Variants in RTN1 observed in about 807,000 individuals in gnomAD.
RTN1 encodes the protein reticulon-1.
RTN1 carries 25 observed loss-of-function variants against 65.5 expected under a neutral mutation model. The observed-to-expected ratio is 0.38, with a 90% CI of 0.28 to 0.53. RTN1 has a LOEUF of 0.53. Among genes scored for constraint, RTN1 ranks in the 20% least tolerant of loss-of-function variants. The pLI is 0.79. For missense variants in RTN1, 983 were observed against 1,025.4 expected (o/e 0.96, Z 0.57); for synonymous variants, 471 against 447.6 (o/e 1.05, Z -0.66).
At chr14:59,686,272 G>T (rs1338525639) in intron 3 of RTN1, among the ~76,000 whole-genome samples, 1 of 151,924 alleles carries the variant, frequency 6.6e-6, no homozygotes, top group Non-Finnish European at 1.5e-5. Context: ...TTATTTTTTT[G>T]GATATGACCT....
Position 59,853,032 on chromosome 14 carries a change from T to C in RTN1, c.241+17358A>G, listed in dbSNP as rs550971359. Among the ~76,000 whole-genome samples, 7 of 152,332 alleles carry C rather than the reference T, an allele frequency of 4.6e-5. No individual in the cohort carries two copies. The East Asian group carries it at 5.8e-4, about 13-fold the overall frequency. ...GAGATTTTATTGAACCATGAAACTA[T>C]TGCCCCTGTGTAAACAGTGATCTCT... On this transcript the variant is annotated intron_variant, in intron 1 of 8. Transcript: ENST00000267484.
At chr14:59,698,157 C>T (rs1884102831) in intron 3 of RTN1, among the ~76,000 whole-genome samples, 1 of 152,032 alleles carries the variant, frequency 6.6e-6, no homozygotes, top group South Asian at 2.1e-4. Context: ...GATGGAAAGT[C>T]AGTTTGGAAG....
rs78785855 is a variant in RTN1, at chr14:59,760,723, A to G, written c.242-14242T>C. On this transcript the variant is annotated intron_variant, in intron 1 of 8. Coordinates refer to ENST00000267484, the MANE Select transcript of RTN1 (RefSeq NM_021136.3). ...TGTTTTCCCTGCACTGTGAGCTCATAGGAAACATGGACTGCACAACGTGCT... is the reference window on the plus strand; with the variant it reads ...TGTTTTCCCTGCACTGTGAGCTCATGGGAAACATGGACTGCACAACGTGCT... 3.1e-3 allele frequency among the ~76,000 whole-genome samples: 473 copies of G among 152,332 alleles called. 14 individuals carry two copies. In the East Asian group the frequency reaches 0.05, roughly 16 times the overall value.
intron 1 of RTN1, among the ~76,000 whole-genome samples, chr14:59,863,133 G>A (rs1253027287): frequency 6.6e-6 from 1 of 151,652 alleles, no homozygotes; most frequent in Non-Finnish European, 1.5e-5. Flanking sequence ...CCCACCTCCC[G>A]CAACACCAAT....
At chr14:59,629,074 GC>G (rs1217468633) in intron 3 of RTN1, among the ~76,000 whole-genome samples, 3 of 152,154 alleles carry the variant, frequency 2.0e-5, no homozygotes, top group Non-Finnish European at 4.4e-5. Context: ...TTTCACAGCT[GC>G]CTTCTATATT....
chr14:59,798,906 A>T (rs948170469), intron 1 of RTN1, among the ~76,000 whole-genome samples: 3 of 152,164 alleles, frequency 2.0e-5, no homozygotes, highest in Non-Finnish European at 2.9e-5. Flanking sequence ...TTAAAAAGTG[A>T]CTCAAACTAT....
At chr14:59,865,904 T>C (rs867543945) in intron 1 of RTN1, among the ~76,000 whole-genome samples, 5 of 152,130 alleles carry the variant, frequency 3.3e-5, no homozygotes, top group East Asian at 3.9e-4. Flanking sequence ...GAGAATGAGA[T>C]AGATGATAGA....
chr14:59,762,996 C>G (rs1257711677), intron 1 of RTN1, among the ~76,000 whole-genome samples: 1 of 152,148 alleles, frequency 6.6e-6, no homozygotes, highest in Non-Finnish European at 1.5e-5. Context: ...CTCCTCATTA[C>G]AAACATAATC....
At chr14:59,845,051 A>C (rs1430887090) in intron 1 of RTN1, among the ~76,000 whole-genome samples, 2 of 152,224 alleles carry the variant, frequency 1.3e-5, no homozygotes, top group Non-Finnish European at 2.9e-5. Flanking sequence ...AAAATCTATA[A>C]CCAAAGTAAA....
chr14:59,723,235 T>G (rs1182539555), intron 3 of RTN1, among the ~76,000 whole-genome samples: 1 of 152,096 alleles, frequency 6.6e-6, no homozygotes, highest in Non-Finnish European at 1.5e-5. Context: ...AAGATGAGAT[T>G]GAAAAGAGGC....
At chr14:59,819,659 C>T (rs972404916) in intron 1 of RTN1, among the ~76,000 whole-genome samples, 1 of 151,976 alleles carries the variant, frequency 6.6e-6, no homozygotes, top group African/African-American at 2.4e-5. Flanking sequence ...GGACGGCGCC[C>T]GTCGGGGAGG....
chr14:59,659,423 C>G (rs1594659445), intron 3 of RTN1, among the ~76,000 whole-genome samples: 1 of 151,778 alleles, frequency 6.6e-6, no homozygotes, highest in Non-Finnish European at 1.5e-5. Context: ...AGAGCAACCC[C>G]AAGACACATA....
chr14:59,850,592 A>G (rs1251426657), intron 1 of RTN1, among the ~76,000 whole-genome samples: 1 of 152,278 alleles, frequency 6.6e-6, no homozygotes, highest in Non-Finnish European at 1.5e-5. Flanking sequence ...CTCAGGTGTC[A>G]GAGATATGGC....
At position 59,870,376 on chromosome 14, in the gene RTN1, G is replaced by T; in HGVS notation, c.241+14C>A. 9 of 1,495,330 alleles carry T rather than the reference G, an allele frequency of 6.0e-6. No individual in the cohort carries two copies. The highest frequency in any genetic ancestry group is 7.9e-6 in the Non-Finnish European group (9 of 1,133,100). The allele number at this position is 1,495,330 out of a possible 1,614,324, so 92.6% of individuals were successfully genotyped here. On this transcript the variant is annotated intron_variant, in intron 1 of 8. Transcript: ENST00000267484. This position sits in a 1 kb window ranked among gnomAD's most constrained non-coding sequence, Gnocchi z 5.1. ...TCCCCGACGCCATTTGAGGGGCAGC[G>T]GCGCCCGCCTTACCTGTGGATGCAG...
intron 3 of RTN1, among the ~76,000 whole-genome samples, chr14:59,711,866 T>A (rs1884427380): frequency 6.6e-6 from 1 of 152,190 alleles, no homozygotes; most frequent in African/African-American, 2.4e-5. Context: ...TGCATCAAGA[T>A]GCATAGAGTC....
chr14:59,750,412 GTATAATATATAATATATC>G (rs1437201068), intron 1 of RTN1, among the ~76,000 whole-genome samples: 7 of 34,972 alleles, frequency 2.0e-4, no homozygotes, highest in South Asian at 1.2e-3. Context: ...TATATTATAT[GTATAATATATAATATATC>G]TATAATATAT....
intron 3 of RTN1, among the ~76,000 whole-genome samples, chr14:59,636,691 T>TGGG (rs1491461100): frequency 1.3e-5 from 2 of 152,218 alleles, no homozygotes; most frequent in Non-Finnish European, 2.9e-5. Flanking sequence ...GTGGGTTCTG[T>TGGG]TTGAGACCAC....
At chr14:59,808,041 T>A (rs1013949656) in intron 1 of RTN1, among the ~76,000 whole-genome samples, 6 of 152,154 alleles carry the variant, frequency 3.9e-5, no homozygotes, top group Non-Finnish European at 8.8e-5. Context: ...TTATCTCTCT[T>A]CCTCATTGTT....
At chr14:59,607,063 T>C (rs1456717392) in intron 4 of RTN1, among the ~76,000 whole-genome samples, 4 of 152,226 alleles carry the variant, frequency 2.6e-5, no homozygotes, top group East Asian at 3.8e-4. Flanking sequence ...TAAATACATA[T>C]GAAAACTCAA....
Sources: gnomAD v4.1 joint callset for allele counts (sites outside exome capture counted in the v4.1 genomes callset) on GRCh38, gnomAD v4.1.1 for gene constraint, Gnocchi (gnomAD v3.1) non-coding constraint, MANE v1.5 for transcripts, NCBI Gene and HGNC (gene_info 2026-07-23, HGNC 2026-07-21) for gene names.